The following RALGAPB variants were observed in gnomAD, a reference collection of about 807,000 sequenced individuals.
RALGAPB encodes ral GTPase-activating protein subunit beta.
In RALGAPB, 25 loss-of-function variants were observed where a neutral mutation model predicts 161.1. That is an observed-to-expected ratio of 0.16 (90% CI 0.11 to 0.22). The LOEUF is 0.22. Ranked by LOEUF, RALGAPB falls within the 10% of genes least tolerant of loss-of-function variation. The pLI is 1.00. For missense variants in RALGAPB, 1,391 were observed against 1,815.2 expected, an observed-to-expected ratio of 0.77 and a Z score of 4.25; for synonymous variants, 629 against 626.1, an observed-to-expected ratio of 1.00 and a Z score of -0.07.
At chr20:38,563,256 T>C (rs1446381831) in intron 24 of RALGAPB, among the ~76,000 whole-genome samples, 1 of 152,234 alleles carries the variant, frequency 6.6e-6, no homozygotes, top group Non-Finnish European at 1.5e-5. Context: ...TTTTATAATA[T>C]GCATAAGATT....
At chr20:38,517,279 A>G (rs191384352) in intron 7 of RALGAPB, among the ~76,000 whole-genome samples, 133 of 152,324 alleles carry the variant, frequency 8.7e-4, no homozygotes, top group African/African-American at 2.9e-3. Context: ...ATCTAGGTGC[A>G]AAGGGAGTTT....
intron 1 of RALGAPB, 117 bp downstream of exon 1, chr20:38,473,186 C>T: frequency 3.2e-6 from 1 of 312,898 alleles, no homozygotes; most frequent in Non-Finnish European, 5.8e-6. Flanking sequence ...GCTCCAGGGG[C>T]CCGGCCTTTG....
chr20:38,507,762 G>A (rs1304036565), intron 5 of RALGAPB, among the ~76,000 whole-genome samples: 1 of 151,846 alleles, frequency 6.6e-6, no homozygotes, highest in Non-Finnish European at 1.5e-5. Flanking sequence ...CAGTGGCGCA[G>A]TCATGGCTCA....
At chr20:38,493,162 A>G in intron 3 of RALGAPB, 30 bp downstream of exon 3, 1 of 1,521,322 alleles carries the variant, frequency 6.6e-7, no homozygotes, top group Non-Finnish European at 9.1e-7. Flanking sequence ...CTGGCCCATT[A>G]TCAGGGTCAT....
At chr20:38,498,363 C>T (rs1003939347) in intron 4 of RALGAPB, among the ~76,000 whole-genome samples, 5 of 152,138 alleles carry the variant, frequency 3.3e-5, no homozygotes, top group African/African-American at 1.2e-4. Context: ...TCATCTAGTT[C>T]CAAGTTCTCT....
chr20:38,473,382 A>C (rs181206616), intron 1 of RALGAPB, among the ~76,000 whole-genome samples: 1 of 152,158 alleles, frequency 6.6e-6, no homozygotes, highest in African/African-American at 2.4e-5. Context: ...CAACTCCCGC[A>C]AAGAATTTGG....
chr20:38,566,585 G>A (rs573011264), intron 25 of RALGAPB, among the ~76,000 whole-genome samples: 15 of 152,274 alleles, frequency 9.9e-5, no homozygotes, highest in African/African-American at 2.4e-4. Context: ...TGGATGGGGT[G>A]GAGGATAACT....
Position 38,516,232 on chromosome 20 carries a change from A to G in RALGAPB, c.913A>G (p.Thr305Ala). ...GAGTAACCCAGCTATTATAAGCTCT[A>G]CTCCCAAATTTCAGGAACAGTTCTT... ...DLSNPAIISS[T>A]PKFQEQFLNV... The change falls in exon 7 of 30, where the codon ACT becomes GCT. Residue 305 changes from threonine to alanine, a missense_variant. Physicochemically the swap from Thr to Ala is moderately conservative, Grantham distance 58. Coordinates refer to ENST00000262879, the MANE Select transcript of RALGAPB (RefSeq NM_020336.4). 1 of 1,612,300 alleles carries G rather than the reference A, an allele frequency of 6.2e-7. No individual in the cohort carries two copies. The highest frequency in any genetic ancestry group is 8.5e-7 in the Non-Finnish European group (1 of 1,178,804).
At chr20:38,495,611 G>A (rs2085406449) in intron 3 of RALGAPB, among the ~76,000 whole-genome samples, 1 of 152,152 alleles carries the variant, frequency 6.6e-6, no homozygotes, top group African/African-American at 2.4e-5. Flanking sequence ...AAAGATGGCA[G>A]GCCAGGTTTG....
intron 20 of RALGAPB, 114 bp downstream of exon 20, chr20:38,548,909 T>C: frequency 1.2e-6 from 1 of 841,004 alleles, no homozygotes; most frequent in Admixed American, 2.2e-5. Flanking sequence ...AGCCAGATTC[T>C]CAGTCAGTGG....
chr20:38,506,137 G>A (rs1180061861), intron 5 of RALGAPB, among the ~76,000 whole-genome samples: 2 of 152,126 alleles, frequency 1.3e-5, no homozygotes, highest in African/African-American at 2.4e-5. Flanking sequence ...ATCTTGAGAC[G>A]ATTTAAAGTA....
At chr20:38,500,287 A>G (rs1169523977) in intron 5 of RALGAPB, among the ~76,000 whole-genome samples, 3 of 151,926 alleles carry the variant, frequency 2.0e-5, no homozygotes, top group Non-Finnish European at 4.4e-5. Flanking sequence ...CCCTGCATCA[A>G]GCGAGTCTGT....
At chr20:38,508,954 T>C in intron 5 of RALGAPB, 123 bp from the exon 6 acceptor site, 1 of 1,085,508 alleles carries the variant, frequency 9.2e-7, no homozygotes, top group African/African-American at 1.6e-5. Flanking sequence ...AGGGTTTCCA[T>C]ATGTCTTGTT....
chr20:38,510,826 G>C (rs948637247), intron 6 of RALGAPB, among the ~76,000 whole-genome samples: 4 of 125,226 alleles, frequency 3.2e-5, no homozygotes, highest in South Asian at 2.1e-4. Context: ...AGGAGAATGG[G>C]GTGAACCCGG....
At chr20:38,513,453 C>G (rs4811983) in intron 6 of RALGAPB, among the ~76,000 whole-genome samples, 1 of 117,310 alleles carries the variant, frequency 8.5e-6, no homozygotes, top group South Asian at 3.1e-4. Context: ...CACTCCAGCC[C>G]GGGCGACAGA....
At chr20:38,567,485 TC>T (rs1489059086) in intron 26 of RALGAPB, among the ~76,000 whole-genome samples, 1 of 152,222 alleles carries the variant, frequency 6.6e-6, no homozygotes, top group Non-Finnish European at 1.5e-5. Context: ...TCTCATCTGT[TC>T]CTTTTTAAGC....
At position 38,517,807 on chromosome 20, in the gene RALGAPB, A is replaced by G; in HGVS notation, c.1224A>G (p.Lys408=). The change falls in exon 9 of 30, where the codon AAA becomes AAG. Residue 408 remains lysine, a synonymous_variant. Transcript: ENST00000262879. ...AGGTTAGTACTGCTCATGCCTCTAA[A>G]GTTCAGCACCAGACGTCCTCCACCT... ...TSTVSTAHAS[K]VQHQTSSTSP... 1 of 1,613,762 alleles carries G rather than the reference A, an allele frequency of 6.2e-7. No homozygotes were observed. The highest frequency in any genetic ancestry group is 8.5e-7 in the Non-Finnish European group (1 of 1,179,648).
At chr20:38,558,264 A>G in intron 22 of RALGAPB, 31 bp from the exon 23 acceptor site, 2 of 1,453,722 alleles carry the variant, frequency 1.4e-6, no homozygotes, top group Non-Finnish European at 1.8e-6. Flanking sequence ...GAAAATAGGT[A>G]ATAATTGCTC....
At chr20:38,566,971 C>G (rs2088022973) in intron 25 of RALGAPB, 125 bp from the exon 26 acceptor site, 1 of 1,429,488 alleles carries the variant, frequency 7.0e-7, no homozygotes, top group Admixed American at 2.6e-5. Context: ...TTTGTCAGCC[C>G]TTGCTCTCGA....
Sources: allele counts gnomAD v4.1 joint callset (sites outside exome capture counted in the v4.1 genomes callset), GRCh38; gene constraint gnomAD v4.1.1; transcripts MANE v1.5; gene names NCBI Gene and HGNC (gene_info 2026-07-23, HGNC 2026-07-21).